Variants in TRPM3 observed in about 807,000 individuals in gnomAD.
TRPM3 encodes the protein transient receptor potential cation channel subfamily M member 3.
In TRPM3, 77 loss-of-function variants were observed where a neutral mutation model predicts 181.2. That is an observed-to-expected ratio of 0.42 (90% CI 0.35 to 0.51). The LOEUF (loss-of-function observed/expected upper bound fraction) is 0.51, where lower values mean the gene tolerates loss of function less well. Among genes scored for constraint, TRPM3 ranks in the 20% least tolerant of loss-of-function variants. The pLI, the probability that TRPM3 is intolerant of heterozygous loss-of-function variation, is 0.01. For synonymous variants in TRPM3, 745 were observed against 796.4 expected (o/e 0.94, Z 1.09); for missense variants, 1,759 against 2,196.7 (o/e 0.80, Z 3.98).
chr9:70,903,541 C>G (rs1589664528), intron 1 of TRPM3, among the ~76,000 whole-genome samples: 1 of 151,834 alleles, frequency 6.6e-6, no homozygotes, highest in South Asian at 2.1e-4. Flanking sequence ...AAGGGAATTA[C>G]AATTAGGAAA....
At chr9:71,220,801 G>A (rs910628778) in intron 1 of TRPM3, among the ~76,000 whole-genome samples, 7 of 152,170 alleles carry the variant, frequency 4.6e-5, no homozygotes, top group Admixed American at 3.3e-4. Flanking sequence ...ACCCTCCAAA[G>A]AGCGCTCCCA....
chr9:71,310,184 G>C (rs1338433946), intron 1 of TRPM3, among the ~76,000 whole-genome samples: 2 of 151,980 alleles, frequency 1.3e-5, no homozygotes, highest in Non-Finnish European at 2.9e-5. Context: ...GAAATTAAAT[G>C]AGGTAAGAAT....
At chr9:70,605,061 T>G (rs1005167062) in intron 19 of TRPM3, among the ~76,000 whole-genome samples, 1 of 151,284 alleles carries the variant, frequency 6.6e-6, no homozygotes, top group Non-Finnish European at 1.5e-5. Flanking sequence ...TTCAAGCGAT[T>G]CTCGTGCCTC....
intron 7 of TRPM3, among the ~76,000 whole-genome samples, chr9:70,779,380 C>T (rs1218789211): frequency 6.6e-6 from 1 of 151,994 alleles, no homozygotes; most frequent in Non-Finnish European, 1.5e-5. Flanking sequence ...ATGAAGATGC[C>T]AAAATAAACA....
chr9:71,290,579 C>T (rs917597820), intron 1 of TRPM3, among the ~76,000 whole-genome samples: 6 of 151,846 alleles, frequency 4.0e-5, no homozygotes, highest in African/African-American at 1.5e-4. Flanking sequence ...AAAAAAATTA[C>T]CTCAAAAGGA....
chr9:71,068,547 C>T (rs2062246964), intron 1 of TRPM3, among the ~76,000 whole-genome samples: 2 of 152,184 alleles, frequency 1.3e-5, no homozygotes, highest in Admixed American at 6.5e-5. Flanking sequence ...CTACTTACAG[C>T]TGTGTGTCTT....
intron 1 of TRPM3, among the ~76,000 whole-genome samples, chr9:71,298,600 A>G (rs966456673): frequency 1.3e-5 from 2 of 152,124 alleles, no homozygotes; most frequent in Admixed American, 1.3e-4. Flanking sequence ...TTTAAAAAAA[A>G]TCTGTTTCTC....
chr9:70,833,968 TG>T (rs1704690121), intron 5 of TRPM3, among the ~76,000 whole-genome samples: 2 of 151,538 alleles, frequency 1.3e-5, no homozygotes, highest in Admixed American at 6.6e-5. Flanking sequence ...TAAAGGAACA[TG>T]GGGGCTGAGA....
In TRPM3 at chr9:70,591,052, C is replaced by T. The variant is rs1228135422; in HGVS notation, c.3202G>A (p.Val1068Met). ...YMPYWMIYGE[V>M]FADQIDPPCG... The stretch of plus-strand genomic sequence containing the variant: ...TTACGGTCTATCTGGTCCGCAAACA[C>T]TTCCCCATAAATCATCCAATAGGGC... The change falls in exon 22 of 26, where the codon GTG becomes ATG. Residue 1068 changes from valine to methionine, a missense_variant. Coordinates refer to ENST00000677713, the MANE Select transcript of TRPM3 (RefSeq NM_001366145.2). 1 of 1,614,066 alleles carries T rather than the reference C, an allele frequency of 6.2e-7. No individual in the cohort carries two copies. The highest frequency in any genetic ancestry group is 1.7e-5 in the Admixed American group (1 of 59,996).
chr9:71,206,723 T>C (rs946786204), intron 1 of TRPM3, among the ~76,000 whole-genome samples: 16 of 152,032 alleles, frequency 1.1e-4, no homozygotes, highest in Non-Finnish European at 2.4e-4. Flanking sequence ...TTTTAGGTCT[T>C]ACATTGAAGC....
intron 1 of TRPM3, among the ~76,000 whole-genome samples, chr9:71,354,657 T>C (rs1268571510): frequency 6.6e-6 from 1 of 152,240 alleles, no homozygotes. Context: ...ATGTTCCTTG[T>C]AATATATTCT....
At chr9:71,107,229 A>G (rs989355070) in intron 1 of TRPM3, among the ~76,000 whole-genome samples, 2 of 152,114 alleles carry the variant, frequency 1.3e-5, no homozygotes, top group Non-Finnish European at 2.9e-5. Flanking sequence ...TTCATACTTC[A>G]TTCCCTTCAA....
At chr9:71,183,148 A>C (rs2077496426) in intron 1 of TRPM3, among the ~76,000 whole-genome samples, 2 of 151,254 alleles carry the variant, frequency 1.3e-5, no homozygotes, top group African/African-American at 4.9e-5. Flanking sequence ...TTCAACATCC[A>C]CCACTTAAGT....
At chr9:71,082,907 C>T (rs558528467) in intron 1 of TRPM3, among the ~76,000 whole-genome samples, 7 of 152,184 alleles carry the variant, frequency 4.6e-5, no homozygotes, top group African/African-American at 1.4e-4. Flanking sequence ...AGGAATTGTA[C>T]AGGCAGGAAC....
At chr9:71,056,695 A>C (rs542069317) in intron 1 of TRPM3, among the ~76,000 whole-genome samples, 25 of 152,082 alleles carry the variant, frequency 1.6e-4, no homozygotes, top group Non-Finnish European at 2.8e-4. Flanking sequence ...AGGGAAGACT[A>C]TAAGACATAG....
intron 1 of TRPM3, among the ~76,000 whole-genome samples, chr9:70,949,087 G>A (rs1390827372): frequency 3.3e-5 from 5 of 152,058 alleles, no homozygotes; most frequent in African/African-American, 7.2e-5. Flanking sequence ...AATAGCCCTG[G>A]ACAAGCAGTA....
chr9:71,166,709 G>A (rs2076558086), intron 1 of TRPM3, among the ~76,000 whole-genome samples: 1 of 152,178 alleles, frequency 6.6e-6, no homozygotes, highest in South Asian at 2.1e-4. Context: ...AACAACGTTA[G>A]AAAGGAAGAA....
At chr9:71,153,922 T>C (rs1381524570) in intron 1 of TRPM3, among the ~76,000 whole-genome samples, 1 of 152,202 alleles carries the variant, frequency 6.6e-6, no homozygotes, top group African/African-American at 2.4e-5. Flanking sequence ...AGGGTAATTC[T>C]TTCCAAGTGC....
intron 1 of TRPM3, among the ~76,000 whole-genome samples, chr9:70,965,651 T>C (rs1018082906): frequency 2.6e-5 from 4 of 152,144 alleles, no homozygotes; most frequent in African/African-American, 9.7e-5. Context: ...GTGGATAAGC[T>C]TTTTGATATG....
Sources: allele counts gnomAD v4.1 joint callset (sites outside exome capture counted in the v4.1 genomes callset), GRCh38; gene constraint gnomAD v4.1.1; transcripts MANE v1.5; gene names NCBI Gene and HGNC (gene_info 2026-07-23, HGNC 2026-07-21).